LEO1: variants seen among roughly 807,000 people sequenced by gnomAD.
The protein encoded by LEO1 is RNA polymerase-associated protein LEO1.
In LEO1, 34 loss-of-function variants were observed where a neutral mutation model predicts 80.4. The observed-to-expected ratio is 0.42, with a 90% CI of 0.32 to 0.56. The LOEUF is 0.56. LEO1 is among the 20% of genes least tolerant of loss of function. LEO1 has a pLI of 0.10. For synonymous variants in LEO1, 262 were observed against 274.9 expected, an observed-to-expected ratio of 0.95 and a Z score of 0.46; for missense variants, 631 against 814.2, an observed-to-expected ratio of 0.77 and a Z score of 2.74.
At chr15:51,965,334 T>C (rs762541066) in intron 2 of LEO1, among the ~76,000 whole-genome samples, 2 of 152,182 alleles carry the variant, frequency 1.3e-5, no homozygotes, top group Non-Finnish European at 2.9e-5. Flanking sequence ...GGTGCCCACA[T>C]CTCAGTACAG....
intron 11 of LEO1, among the ~76,000 whole-genome samples, chr15:51,939,366 A>G (rs1195925136): frequency 2.0e-5 from 3 of 152,172 alleles, no homozygotes; most frequent in African/African-American, 7.2e-5. Flanking sequence ...CTGACAGACA[A>G]GATAGCATCT....
chr15:51,941,017 G>A (rs1229085044), intron 11 of LEO1, among the ~76,000 whole-genome samples: 2 of 151,998 alleles, frequency 1.3e-5, no homozygotes, highest in Non-Finnish European at 2.9e-5. Flanking sequence ...AGTTTGCAGT[G>A]AGCTGAGATC....
In LEO1 at chr15:51,966,467, C is replaced by A; in HGVS notation, c.96G>T (p.Glu32Asp). 6.2e-7 allele frequency: 1 copy of A among 1,611,954 alleles called. No individual in the cohort carries two copies. Among genetic ancestry groups the A allele is most frequent in the Non-Finnish European group, 8.5e-7 (1 of 1,178,584 alleles). The change falls in exon 2 of 12, where the codon GAG becomes GAT. Residue 32 changes from glutamate (E) to aspartate (D), a missense_variant. By Grantham distance (45) the Glu-to-Asp change is conservative. This residue lies in a region of LEO1 where 394 missense variants were observed against 395.6 expected (regional missense o/e 1.00). Coordinates refer to ENST00000299601, the MANE Select transcript of LEO1 (RefSeq NM_138792.4). The part of the protein sequence containing the change: ...DSGSDSDSDQ[E>D]NAASGSNASG... The stretch of plus-strand genomic sequence containing the variant: ...AGGCATTACTGCCAGAGGCAGCATT[C>A]TCTTGATCAGAATCTGAGTCAGATC...
At chr15:51,963,563 T>G (rs922377436) in intron 2 of LEO1, among the ~76,000 whole-genome samples, 1 of 152,112 alleles carries the variant, frequency 6.6e-6, no homozygotes, top group African/African-American at 2.4e-5. Context: ...GTATTTGGGA[T>G]GTAGTACATG....
chr15:51,962,670 A>G (rs984102668), intron 2 of LEO1, among the ~76,000 whole-genome samples, 177 bp from the exon 3 acceptor site: 10 of 152,240 alleles, frequency 6.6e-5, no homozygotes, highest in African/African-American at 2.4e-4. Flanking sequence ...CTATATGCCA[A>G]GTTAAAGAGG....
intron 2 of LEO1, among the ~76,000 whole-genome samples, chr15:51,962,949 T>G (rs2057043814): frequency 6.8e-6 from 1 of 146,004 alleles, no homozygotes; most frequent in Non-Finnish European, 1.5e-5. Flanking sequence ...AAATTAACTC[T>G]AGTGTGTGTT....
intron 2 of LEO1, 129 bp downstream of exon 2, chr15:51,965,620 G>A (rs1042167788): frequency 7.9e-7 from 1 of 1,269,086 alleles, no homozygotes; most frequent in Non-Finnish European, 1.1e-6. Flanking sequence ...TCTAGAGTTA[G>A]AAAAGTTTGA....
intron 6 of LEO1, among the ~76,000 whole-genome samples, chr15:51,956,061 T>A (rs1391802010): frequency 6.6e-6 from 1 of 152,164 alleles, no homozygotes; most frequent in Non-Finnish European, 1.5e-5. Flanking sequence ...ATTTTCAGAT[T>A]GAAAACAAAA....
In LEO1 at chr15:51,971,715, C is replaced by T. The variant is rs1426371643; in HGVS notation, c.31G>A (p.Asp11Asn). 3 of 1,614,196 alleles carry T rather than the reference C, an allele frequency of 1.9e-6. No homozygotes were observed. The highest frequency in any genetic ancestry group is 2.5e-6 in the Non-Finnish European group (3 of 1,180,050). Residue 11 changes from aspartate to asparagine, a missense_variant, in exon 1 of 12, where the codon GAC becomes AAC. By Grantham distance (23) the Asp-to-Asn change is conservative (BLOSUM62 1). Coordinates refer to ENST00000299601, the MANE Select transcript of LEO1 (RefSeq NM_138792.4). ...TTACGCTCAGCTTCGCTGTCGGCGT[C>T]GCTCCCGAAGAGATCCTCCATATCC... MADMEDLFGS[D>N]ADSEAERKDS... is the part of the protein sequence containing the mutation.
At chr15:51,957,494 A>T (rs1043649910) in intron 6 of LEO1, among the ~76,000 whole-genome samples, 2 of 152,152 alleles carry the variant, frequency 1.3e-5, no homozygotes, top group Non-Finnish European at 2.9e-5. Context: ...ATATCTGTTG[A>T]CTGTGTGATC....
intron 6 of LEO1, among the ~76,000 whole-genome samples, chr15:51,957,586 T>C (rs1197336788): frequency 1.3e-5 from 2 of 152,252 alleles, no homozygotes; most frequent in African/African-American, 4.8e-5. Context: ...GAAGTCTCAC[T>C]GAAAAGCTTT....
In LEO1 at chr15:51,965,635, G is replaced by T. The variant is rs1420829396; in HGVS notation, c.814+114C>A. The T allele has an allele frequency of 2.2e-5, 31 of 1,381,702 alleles. No homozygotes were observed. The East Asian group carries it at 7.0e-4, about 31-fold the overall frequency. 85.6% of individuals were successfully genotyped at this position (1,381,702 alleles called of 1,614,324 possible). A position where few individuals can be genotyped will look rare whatever the true frequency, so the allele number is the denominator to read the frequency against. ...TCTAGAGTTAGAAAAGTTTGAAAGG[G>T]AGGGGACAGAAGAGAAAAAACAGGG... On this transcript the variant is annotated intron_variant, in intron 2 of 11. Transcript: ENST00000299601.
chr15:51,949,665 A>G lies in LEO1; in HGVS notation c.1798+143T>C, dbSNP rs567425613. The G allele has an allele frequency of 2.6e-4, 180 of 688,210 alleles. 2 individuals carry two copies. The South Asian group carries it at 3.1e-3, about 12-fold the overall frequency. 42.6% of individuals were successfully genotyped at this position (688,210 alleles called of 1,614,324 possible). ...CAGTGAGCCGAGATCACACCACTGC[A>G]CTCCAGCCTGGGTGACAGAGCGAGA... On this transcript the variant is annotated intron_variant, in intron 10 of 11. Coordinates refer to ENST00000299601, the MANE Select transcript of LEO1 (RefSeq NM_138792.4).
chr15:51,939,306 A>C (rs997252828), intron 11 of LEO1, among the ~76,000 whole-genome samples: 1 of 152,218 alleles, frequency 6.6e-6, no homozygotes, highest in Non-Finnish European at 1.5e-5. Flanking sequence ...TAGATGGAGA[A>C]TGCAACCTGG....
At chr15:51,952,573 AAG>A (rs958552572) in intron 8 of LEO1, among the ~76,000 whole-genome samples, 23 of 152,146 alleles carry the variant, frequency 1.5e-4, no homozygotes, top group African/African-American at 5.6e-4. Context: ...ATAATCAAGA[AAG>A]AGAAGCATGA....
chr15:51,954,702 A>G, intron 6 of LEO1, 127 bp from the exon 7 acceptor site: 1 of 662,106 alleles, frequency 1.5e-6, no homozygotes, highest in Non-Finnish European at 2.7e-6. Context: ...GTGGCAGGAG[A>G]ATGAACAACA....
chr15:51,941,224 T>C (rs2056849723), intron 11 of LEO1, among the ~76,000 whole-genome samples: 1 of 152,172 alleles, frequency 6.6e-6, no homozygotes, highest in Non-Finnish European at 1.5e-5. Context: ...ATTACACATG[T>C]GGGATGCTGC....
intron 11 of LEO1, among the ~76,000 whole-genome samples, chr15:51,945,174 T>C (rs1250464661): frequency 1.3e-5 from 2 of 148,786 alleles, no homozygotes; most frequent in African/African-American, 5.0e-5. Context: ...CCCAGCACTT[T>C]GGGAAGTTGA....
chr15:51,968,772 TA>T (rs1466062737), intron 1 of LEO1, among the ~76,000 whole-genome samples: 1 of 151,282 alleles, frequency 6.6e-6, no homozygotes, highest in Non-Finnish European at 1.5e-5. Context: ...GAGGTTGCTG[TA>T]AGCCGAGATT....
Sources: gnomAD v4.1 joint callset for allele counts (sites outside exome capture counted in the v4.1 genomes callset) on GRCh38, gnomAD v4.1.1 for gene constraint, gnomAD v4.1.1 regional missense constraint, MANE v1.5 for transcripts, NCBI Gene and HGNC (gene_info 2026-07-23, HGNC 2026-07-21) for gene names.